Variants in BTN3A3 observed in about 807,000 individuals in gnomAD.
BTN3A3 encodes butyrophilin subfamily 3 member A3.
In BTN3A3, 39 loss-of-function variants were observed where a neutral mutation model predicts 43.2. The observed-to-expected ratio is 0.90, with a 90% CI of 0.70 to 1.18. The LOEUF (loss-of-function observed/expected upper bound fraction) is 1.18. BTN3A3 is among the 50% of genes most tolerant of loss of function. The pLI is 0.00. For missense variants in BTN3A3, 631 were observed against 722.8 expected, an observed-to-expected ratio of 0.87 and a Z score of 1.46; for synonymous variants, 255 against 272.7, an observed-to-expected ratio of 0.93 and a Z score of 0.64.
At position 26,448,164 on chromosome 6, in the gene BTN3A3, G is replaced by A. The variant is rs566293869; in HGVS notation, c.716-84G>A. On this transcript the variant is annotated intron_variant, in intron 5 of 10. Transcript: ENST00000244519. ...AGATGGATTCCATGCCCCCAACCTG[G>A]GCTGAGCAGCTAAAGCTTGGGGTGC... 3.8e-5 allele frequency: 57 copies of A among 1,482,320 alleles called. No individual in the cohort carries two copies. In the African/African-American group the frequency reaches 5.5e-4, roughly 14 times the overall value. The allele number at this position is 1,482,320 out of a possible 1,614,324, so 91.8% of individuals were successfully genotyped here. A position where few individuals can be genotyped will look rare whatever the true frequency, so the allele number is the denominator to read the frequency against.
chr6:26,449,433 A>C (rs1163257764), intron 8 of BTN3A3: 1 of 586,246 alleles, frequency 1.7e-6, no homozygotes, highest in Non-Finnish European at 3.1e-6. Context: ...GCTGGACTCC[A>C]CTGGGAAGGA....
chr6:26,452,612 T>C lies in BTN3A3; in HGVS notation c.*201T>C, dbSNP rs1762961057. On this transcript the variant is annotated 3_prime_UTR_variant, in exon 11 of 11. Transcript: ENST00000244519. ...TTAAAATGTTCTTAGTGCTGTGTTA[T>C]AAGCTTTGGTGGATGTCACTCCTTT... 2 of 569,184 alleles carry C rather than the reference T, an allele frequency of 3.5e-6. No individual in the cohort carries two copies. Among genetic ancestry groups the C allele is most frequent in the Non-Finnish European group, 6.1e-6 (2 of 327,966 alleles). The allele number at this position is 569,184 out of a possible 1,614,324, so 35.3% of individuals were successfully genotyped here.
chr6:26,443,434 T>G lies in BTN3A3; in HGVS notation c.-14T>G. Reference sequence around the variant, plus strand: ...TAAAGACACTCAAGGACAGACATTTTTGGCAGAGGTAAGATCTTCTTTGGT... The same window carrying G: ...TAAAGACACTCAAGGACAGACATTTGTGGCAGAGGTAAGATCTTCTTTGGT... On this transcript the variant is annotated 5_prime_UTR_variant, in exon 2 of 11. Transcript: ENST00000244519. The G allele has an allele frequency of 6.8e-7, 1 of 1,476,140 alleles. No individual in the cohort carries two copies. The highest frequency in any genetic ancestry group is 9.0e-7 in the Non-Finnish European group (1 of 1,110,682). The allele number at this position is 1,476,140 out of a possible 1,614,324, so 91.4% of individuals were successfully genotyped here.
intron 4 of BTN3A3, chr6:26,444,543 A>C: frequency 1.6e-6 from 1 of 638,782 alleles, no homozygotes; most frequent in Non-Finnish European, 2.7e-6. Context: ...CCAGAGATAT[A>C]AGGGAAATGA....
intron 9 of BTN3A3, 80 bp from the exon 10 acceptor site, chr6:26,450,027 A>G: frequency 6.8e-7 from 1 of 1,460,678 alleles, no homozygotes; most frequent in Non-Finnish European, 9.6e-7. Context: ...AGGAGAGAAA[A>G]CGTGTAGTGA....
At chr6:26,450,315 C>T in intron 10 of BTN3A3, 182 bp downstream of exon 10, 1 of 659,960 alleles carries the variant, frequency 1.5e-6, no homozygotes, top group Non-Finnish European at 2.6e-6. Context: ...GCTGAGAGCC[C>T]AGGGAACCAG....
chr6:26,442,737 T>A (rs1188346711), intron 1 of BTN3A3, among the ~76,000 whole-genome samples: 1 of 152,228 alleles, frequency 6.6e-6, no homozygotes, highest in African/African-American at 2.4e-5. Context: ...ATGCAAGTAC[T>A]TTGCTAGACT....
At chr6:26,445,649 G>A in intron 4 of BTN3A3, 55 bp from the exon 5 acceptor site, 1 of 1,572,018 alleles carries the variant, frequency 6.4e-7, no homozygotes, top group Non-Finnish European at 8.7e-7. Context: ...TTCCCATTGA[G>A]ACCCTCCCTG....
At chr6:26,442,329 T>A (rs1329340011) in intron 1 of BTN3A3, among the ~76,000 whole-genome samples, 1 of 152,210 alleles carries the variant, frequency 6.6e-6, no homozygotes, top group African/African-American at 2.4e-5. Flanking sequence ...ATCTTAAATT[T>A]AAAGCATTTC....
chr6:26,452,111 C>T lies in BTN3A3; in HGVS notation c.1455C>T (p.Thr485=). ...YNATDGSHIY[T]FPHASFSEPL... is the part of the protein sequence containing the mutation. The stretch of plus-strand genomic sequence containing the variant: ...CCACAGATGGATCTCATATCTACAC[C>T]TTTCCGCACGCCTCTTTCTCTGAGC... Residue 485 remains threonine (T), a synonymous_variant, in exon 11 of 11, where the codon ACC becomes ACT. Transcript: ENST00000244519. 1 of 1,614,160 alleles carries T rather than the reference C, an allele frequency of 6.2e-7. No homozygotes were observed. The highest frequency in any genetic ancestry group is 1.1e-5 in the South Asian group (1 of 91,084).
chr6:26,450,969 T>C (rs1762915307), intron 10 of BTN3A3, among the ~76,000 whole-genome samples: 1 of 152,170 alleles, frequency 6.6e-6, no homozygotes, highest in African/African-American at 2.4e-5. Context: ...GGGCCTCCCA[T>C]TGGCCAAACC....
chr6:26,447,599 G>A (rs1335163898), intron 5 of BTN3A3, among the ~76,000 whole-genome samples: 3 of 152,154 alleles, frequency 2.0e-5, no homozygotes, highest in Admixed American at 2.0e-4. Context: ...CTGACCTCAA[G>A]TGATCTGCCT....
intron 8 of BTN3A3, chr6:26,449,190 TG>T: frequency 4.7e-6 from 1 of 213,170 alleles, no homozygotes; most frequent in South Asian, 1.1e-4. Context: ...GGGAGACAAG[TG>T]TGTCTAATAA....
At chr6:26,445,512 G>T in intron 4 of BTN3A3, 192 bp from the exon 5 acceptor site, 1 of 658,106 alleles carries the variant, frequency 1.5e-6, no homozygotes. Flanking sequence ...GATGGGAATA[G>T]CCCCACATTA....
At chr6:26,448,856 A>G (rs922480655) in intron 8 of BTN3A3, 102 bp downstream of exon 8, 4 of 1,404,158 alleles carry the variant, frequency 2.8e-6, no homozygotes, top group African/African-American at 2.8e-5. Flanking sequence ...GGGTTGAAAA[A>G]TGGTCCTAGA....
chr6:26,452,422 A>G lies in BTN3A3; in HGVS notation c.*11A>G. ...GAAGCACTTTACTGATATTCATTCC[A>G]TTATTCCATATGACAGTTGTTTTGA... On this transcript the variant is annotated 3_prime_UTR_variant, in exon 11 of 11. Coordinates refer to ENST00000244519, the MANE Select transcript of BTN3A3 (RefSeq NM_006994.5). The G allele has an allele frequency of 6.3e-7, 1 of 1,581,310 alleles. No individual in the cohort carries two copies. The highest frequency in any genetic ancestry group is 8.6e-7 in the Non-Finnish European group (1 of 1,168,758).
intron 2 of BTN3A3, 37 bp downstream of exon 2, chr6:26,443,479 C>T: frequency 1.3e-6 from 2 of 1,590,260 alleles, no homozygotes; most frequent in Middle Eastern, 1.7e-4. Flanking sequence ...TGAGTTAGCC[C>T]TGGGGAAGTG....
At chr6:26,442,768 G>A (rs1762672732) in intron 1 of BTN3A3, among the ~76,000 whole-genome samples, 2 of 152,208 alleles carry the variant, frequency 1.3e-5, no homozygotes, top group Admixed American at 1.3e-4. Flanking sequence ...AAGTGGAATT[G>A]CTGGACCCAA....
chr6:26,447,108 T>A (rs536100876), intron 5 of BTN3A3, among the ~76,000 whole-genome samples: 1 of 152,230 alleles, frequency 6.6e-6, no homozygotes, highest in African/African-American at 2.4e-5. Flanking sequence ...TGAACTTCCA[T>A]ACAAGGGAAT....
Sources: gnomAD v4.1 joint callset for allele counts (sites outside exome capture counted in the v4.1 genomes callset) on GRCh38, gnomAD v4.1.1 for gene constraint, MANE v1.5 for transcripts, NCBI Gene and HGNC (gene_info 2026-07-23, HGNC 2026-07-21) for gene names.